The following TAF3 variants were observed in gnomAD, a reference collection of about 807,000 sequenced individuals.
TAF3 encodes the protein transcription initiation factor TFIID subunit 3.
TAF3 carries 7 observed loss-of-function variants against 80.6 expected under a neutral mutation model. The ratio of observed to expected loss-of-function variants is 0.09; its 90% confidence interval spans 0.05 to 0.16. The LOEUF is 0.16. Ranked by LOEUF, TAF3 falls within the 10% of genes least tolerant of loss-of-function variation. The pLI is 1.00. For synonymous variants in TAF3, 444 were observed against 446.1 expected, an observed-to-expected ratio of 1.00 and a Z score of 0.06; for missense variants, 921 against 1,140.2, an observed-to-expected ratio of 0.81 and a Z score of 2.77.
At chr10:7,875,920 G>GA (rs1161530027) in intron 2 of TAF3, among the ~76,000 whole-genome samples, 2 of 151,888 alleles carry the variant, frequency 1.3e-5, no homozygotes, top group Non-Finnish European at 2.9e-5. Flanking sequence ...TTTACCGACA[G>GA]AAAATAATTG....
At chr10:7,885,954 A>G (rs1225156534) in intron 2 of TAF3, among the ~76,000 whole-genome samples, 1 of 152,066 alleles carries the variant, frequency 6.6e-6, no homozygotes, top group African/African-American at 2.4e-5. Flanking sequence ...TTTTTGAGAC[A>G]GTCTCAATCT....
intron 3 of TAF3, among the ~76,000 whole-genome samples, chr10:7,968,559 AAACAGTCATAGTT>A (rs1160183873): frequency 6.6e-6 from 1 of 152,232 alleles, no homozygotes; most frequent in African/African-American, 2.4e-5. Flanking sequence ...AAAAACAGCA[AAACAGTCATAGTT>A]AACAGTGAGT....
intron 1 of TAF3, among the ~76,000 whole-genome samples, chr10:7,819,840 A>C (rs1836672263): frequency 6.6e-6 from 1 of 152,170 alleles, no homozygotes; most frequent in Non-Finnish European, 1.5e-5. Context: ...ATTGAGACTC[A>C]CAGACACACG....
rs560456570 is a variant in TAF3, at chr10:7,972,184, GT to G, written c.2233-5052del. Among the ~76,000 whole-genome samples the G allele has an allele frequency of 5.2e-4, 79 of 152,260 alleles. 1 individual carries two copies. The South Asian group carries it at 0.015, about 29-fold the overall frequency. On this transcript the variant is annotated intron_variant, in intron 3 of 6. Coordinates refer to ENST00000344293, the MANE Select transcript of TAF3 (RefSeq NM_031923.4). The stretch of plus-strand genomic sequence containing the variant: ...GATTGAAGTCATCCTTTTGTTTGTT[GT>G]TTTTGGTAAGTGCATGTGAGAAATT...
At chr10:7,994,880 C>A (rs1486328258) in intron 4 of TAF3, among the ~76,000 whole-genome samples, 1 of 146,948 alleles carries the variant, frequency 6.8e-6, no homozygotes, top group Non-Finnish European at 1.5e-5. Context: ...GAGGCTGAGG[C>A]ATGAGAATCA....
chr10:7,856,204 G>T (rs1837077420), intron 2 of TAF3, among the ~76,000 whole-genome samples: 1 of 152,142 alleles, frequency 6.6e-6, no homozygotes, highest in Non-Finnish European at 1.5e-5. Context: ...AAAGATTTTG[G>T]CTGGGCGCAG....
intron 2 of TAF3, among the ~76,000 whole-genome samples, chr10:7,957,754 A>G (rs573482980): frequency 1.0e-3 from 156 of 151,658 alleles, no homozygotes; most frequent in Non-Finnish European, 1.9e-3. Flanking sequence ...GAAATATTTC[A>G]TATATACACA....
At chr10:7,848,705 G>C (rs1233104530) in intron 2 of TAF3, among the ~76,000 whole-genome samples, 3 of 152,192 alleles carry the variant, frequency 2.0e-5, no homozygotes, top group Non-Finnish European at 4.4e-5. Context: ...TGTTGGAAAG[G>C]AAGGGGCAGC....
intron 2 of TAF3, among the ~76,000 whole-genome samples, chr10:7,899,465 T>G (rs139355026): frequency 8.5e-5 from 13 of 152,300 alleles, no homozygotes; most frequent in African/African-American, 3.1e-4. Context: ...TACTTACACA[T>G]TTGCATTTCT....
chr10:7,988,115 T>A (rs1229614683), intron 4 of TAF3, among the ~76,000 whole-genome samples: 1 of 152,196 alleles, frequency 6.6e-6, no homozygotes, highest in Non-Finnish European at 1.5e-5. Context: ...GTAACCAATT[T>A]TTAAAAACAG....
rs1836734061 is a variant in TAF3 at position 7,825,709 on chromosome 10, A to G, written c.409+1149A>G. ...TTGTGTGTTTAAGGCAGAATAATAT[A>G]TGTACATTCCACATTTGTTTATCCA... On this transcript the variant is annotated intron_variant, in intron 2 of 6. Transcript: ENST00000344293. Among the ~76,000 whole-genome samples, 3 of 152,192 alleles carry G rather than the reference A, an allele frequency of 2.0e-5. No homozygotes were observed. The South Asian group carries it at 6.2e-4, about 31-fold the overall frequency.
chr10:7,921,097 GT>G (rs909585831), intron 2 of TAF3, among the ~76,000 whole-genome samples: 13 of 146,936 alleles, frequency 8.8e-5, no homozygotes, highest in South Asian at 2.2e-4. Flanking sequence ...ATTTTTTAAG[GT>G]TTTTTTTTTA....
chr10:7,827,939 G>GC (rs1203237116), intron 2 of TAF3, among the ~76,000 whole-genome samples: 1 of 152,126 alleles, frequency 6.6e-6, no homozygotes, highest in Non-Finnish European at 1.5e-5. Flanking sequence ...CTGAGTGACA[G>GC]CGAGACCCTG....
rs1564350851 is a variant in TAF3 at position 7,863,666 on chromosome 10, T to TATATATACAC, written c.409+39107_409+39108insTATATACACA. 3.5e-4 allele frequency among the ~76,000 whole-genome samples: 13 copies of TATATATACAC among 37,542 alleles called. 2 individuals carry two copies. Among genetic ancestry groups the TATATATACAC allele is most frequent in the Middle Eastern group, 0.019 (1 of 52 alleles). The allele number at this position is 37,542 out of a possible 152,430, so 24.6% of individuals were successfully genotyped here. A position where few individuals can be genotyped will look rare whatever the true frequency, so the allele number is the denominator to read the frequency against. On this transcript the variant is annotated intron_variant, in intron 2 of 6. Transcript: ENST00000344293. ...ATATATACACACACACATATATATA[T>TATATATACAC]ACACACATATATATATATACACACA...
intron 2 of TAF3, among the ~76,000 whole-genome samples, chr10:7,938,684 CT>C (rs1299670264): frequency 1.3e-5 from 2 of 152,072 alleles, no homozygotes; most frequent in Non-Finnish European, 2.9e-5. Flanking sequence ...GCAAATGAAA[CT>C]GAGATAAGAG....
intron 3 of TAF3, among the ~76,000 whole-genome samples, chr10:7,972,706 G>GT (rs1160556361): frequency 3.3e-5 from 5 of 152,088 alleles, no homozygotes; most frequent in South Asian, 2.1e-4. Context: ...ATTATTTAGG[G>GT]TTTTTTTATA....
Position 7,964,830 on chromosome 10 carries a change from G to A in TAF3, c.1320G>A (p.Ala440=), listed in dbSNP as rs201095393. The A allele has an allele frequency of 3.7e-6, 6 of 1,614,108 alleles. No individual in the cohort carries two copies. Among genetic ancestry groups the A allele is most frequent in the South Asian group, 3.3e-5 (3 of 91,068 alleles). The change falls in exon 3 of 7, where the codon GCG becomes GCA. Residue 440 remains alanine, a synonymous_variant. Coordinates refer to ENST00000344293, the MANE Select transcript of TAF3 (RefSeq NM_031923.4). The surrounding 1 kb of genome is among the most constrained non-coding windows in gnomAD (Gnocchi z 4.1). The part of the protein sequence containing the change: ...ECTTPKASTS[A]NNFTKSGSTP... ...CTACTCCCAAAGCTTCCACTTCCGC[G>A]AACAATTTCACAAAGTCAGGATCCA...
intron 2 of TAF3, among the ~76,000 whole-genome samples, chr10:7,929,170 A>G (rs1236227253): frequency 1.3e-5 from 2 of 152,102 alleles, no homozygotes; most frequent in Admixed American, 6.5e-5. Context: ...CAGGTCTTCA[A>G]CTATACTGTA....
intron 2 of TAF3, among the ~76,000 whole-genome samples, chr10:7,919,807 G>A (rs1588552319): frequency 6.6e-6 from 1 of 152,008 alleles, no homozygotes; most frequent in East Asian, 1.9e-4. Flanking sequence ...ATCCACAGAT[G>A]TGGAACCCAC....
Sources: gnomAD v4.1 joint callset for allele counts (sites outside exome capture counted in the v4.1 genomes callset) on GRCh38, gnomAD v4.1.1 for gene constraint, Gnocchi (gnomAD v3.1) non-coding constraint, MANE v1.5 for transcripts, NCBI Gene and HGNC (gene_info 2026-07-23, HGNC 2026-07-21) for gene names.